Variants in NBEA observed in about 807,000 individuals in gnomAD.
NBEA encodes the protein neurobeachin, also known as lysosomal-trafficking regulator 2.
Under a neutral mutation model 343.4 loss-of-function variants are expected in NBEA, and 44 were observed. The ratio of observed to expected loss-of-function variants is 0.13; its 90% confidence interval spans 0.10 to 0.16. The LOEUF (loss-of-function observed/expected upper bound fraction) is 0.16, where lower values mean the gene tolerates loss of function less well. Among genes scored for constraint, NBEA ranks in the 10% least tolerant of loss-of-function variants. The pLI is 1.00. For missense variants in NBEA, 2,555 were observed against 3,631.3 expected, an observed-to-expected ratio of 0.70 and a Z score of 7.62; for synonymous variants, 1,175 against 1,238.7, an observed-to-expected ratio of 0.95 and a Z score of 1.08.
At chr13:35,366,129 T>C (rs890123422) in intron 38 of NBEA, among the ~76,000 whole-genome samples, 1 of 151,628 alleles carries the variant, frequency 6.6e-6, no homozygotes, top group Non-Finnish European at 1.5e-5. Flanking sequence ...GCTTGTTTAC[T>C]GTCATCACTG....
intron 38 of NBEA, among the ~76,000 whole-genome samples, chr13:35,400,736 G>T (rs897142938): frequency 6.6e-6 from 1 of 151,936 alleles, no homozygotes; most frequent in African/African-American, 2.4e-5. Flanking sequence ...GGAAATGTTG[G>T]AATGGGATTC....
At chr13:35,258,230 C>T (rs1314455675) in intron 34 of NBEA, among the ~76,000 whole-genome samples, 3 of 150,170 alleles carry the variant, frequency 2.0e-5, no homozygotes, top group Non-Finnish European at 3.0e-5. Flanking sequence ...TGCAGTGGCG[C>T]GATCTCCACT....
At chr13:35,182,623 C>T (rs2071394290) in intron 29 of NBEA, 95 bp downstream of exon 29, 3 of 1,137,556 alleles carry the variant, frequency 2.6e-6, no homozygotes, top group Admixed American at 2.9e-5. Context: ...TCTTCATAAT[C>T]ACCTCAAATA....
chr13:35,186,369 TATC>T (rs1438458480), intron 30 of NBEA: 8 of 152,310 alleles, frequency 5.3e-5, no homozygotes, highest in Admixed American at 5.2e-4. Context: ...TCTTTCAAGT[TATC>T]ACCTGTCATT....
chr13:35,206,615 G>A (rs2073413811), intron 31 of NBEA, among the ~76,000 whole-genome samples: 1 of 150,690 alleles, frequency 6.6e-6, no homozygotes, highest in South Asian at 2.1e-4. Flanking sequence ...ATAAGTAGAT[G>A]CCTTATATCT....
intron 40 of NBEA, among the ~76,000 whole-genome samples, chr13:35,468,788 A>T (rs1164030199): frequency 6.6e-6 from 1 of 152,116 alleles, no homozygotes; most frequent in Non-Finnish European, 1.5e-5. Flanking sequence ...TTGGACTATT[A>T]GTTCTGTAAA....
chr13:35,366,343 A>T (rs984189664), intron 38 of NBEA, among the ~76,000 whole-genome samples: 1 of 151,456 alleles, frequency 6.6e-6, no homozygotes, highest in African/African-American at 2.4e-5. Flanking sequence ...AACACTTACT[A>T]GAACATAAGG....
At chr13:35,207,048 A>T (rs2073441530) in intron 31 of NBEA, among the ~76,000 whole-genome samples, 1 of 152,046 alleles carries the variant, frequency 6.6e-6, no homozygotes, top group East Asian at 1.9e-4. Flanking sequence ...ACCTAGAAGG[A>T]GATAGTGAAG....
At chr13:35,107,759 G>A (rs1316028304) in intron 11 of NBEA, among the ~76,000 whole-genome samples, 1 of 151,902 alleles carries the variant, frequency 6.6e-6, no homozygotes, top group African/African-American at 2.4e-5. Context: ...ATGACTAAAA[G>A]TCTTGAGTTC....
intron 45 of NBEA, among the ~76,000 whole-genome samples, chr13:35,574,429 A>C (rs140115124): frequency 2.2e-4 from 34 of 152,178 alleles, no homozygotes; most frequent in African/African-American, 7.5e-4. Context: ...AAAAAGAAAA[A>C]AGAAAAACTC....
chr13:35,140,032 A>C (rs1334449230), intron 17 of NBEA, among the ~76,000 whole-genome samples: 1 of 152,000 alleles, frequency 6.6e-6, no homozygotes, highest in Admixed American at 6.6e-5. Flanking sequence ...TAATTAGTTC[A>C]CTTTTTTGAG....
chr13:34,945,089 A>C (rs549120426), intron 1 of NBEA, among the ~76,000 whole-genome samples: 3 of 152,282 alleles, frequency 2.0e-5, no homozygotes, highest in African/African-American at 4.8e-5. Context: ...GAACTTTACC[A>C]TTAAGCTTAG....
chr13:35,149,315 G>T (rs963051765), intron 18 of NBEA, among the ~76,000 whole-genome samples: 81 of 151,960 alleles, frequency 5.3e-4, no homozygotes, highest in African/African-American at 1.9e-3. Flanking sequence ...TTTTTATTGG[G>T]CACTTCTTAT....
At chr13:35,163,595 G>A (rs975748436) in intron 23 of NBEA, among the ~76,000 whole-genome samples, 1 of 150,432 alleles carries the variant, frequency 6.6e-6, no homozygotes. Context: ...CTCTAGCCTG[G>A]GTGACAGCAG....
intron 41 of NBEA, among the ~76,000 whole-genome samples, chr13:35,546,849 G>A (rs138944227): frequency 7.9e-5 from 12 of 152,092 alleles, no homozygotes; most frequent in East Asian, 1.9e-4. Context: ...CACCGCTCCC[G>A]GCCTAAAATT....
chr13:34,973,438 C>G (rs1322146960), intron 1 of NBEA, among the ~76,000 whole-genome samples: 1 of 152,216 alleles, frequency 6.6e-6, no homozygotes, highest in Non-Finnish European at 1.5e-5. Context: ...CTGCCCCTCC[C>G]TCTGGGAGCT....
rs374614481 is a variant in NBEA at position 35,308,500 on chromosome 13, G to GTA, written c.5839-1018_5839-1017dup. On this transcript the variant is annotated intron_variant, in intron 35 of 58. Coordinates refer to ENST00000379939, the MANE Select transcript of NBEA (RefSeq NM_001385012.1). ...TATATATATATGTGTATATATATGTGTATATATATATGTGTATATATGTAT... is the reference window on the plus strand; with the variant it reads ...TATATATATATGTGTATATATATGTGTATATATATATATGTGTATATATGTAT... Among the ~76,000 whole-genome samples the GTA allele has an allele frequency of 5.4e-4, 53 of 98,334 alleles. 2 individuals are homozygous for GTA. The highest frequency in any genetic ancestry group is 7.5e-4 in the Non-Finnish European group (38 of 50,410). The allele number at this position is 98,334 out of a possible 152,430, so 64.5% of individuals were successfully genotyped here.
chr13:35,384,369 A>C (rs988566694), intron 38 of NBEA, among the ~76,000 whole-genome samples: 1 of 152,180 alleles, frequency 6.6e-6, no homozygotes, highest in Non-Finnish European at 1.5e-5. Context: ...ATGTGAGAGT[A>C]ATACATCTCC....
intron 38 of NBEA, among the ~76,000 whole-genome samples, chr13:35,422,844 C>T (rs2044386027): frequency 6.6e-6 from 1 of 152,180 alleles, no homozygotes; most frequent in African/African-American, 2.4e-5. Flanking sequence ...GCCATTCTAA[C>T]TGGTGTGAAA....
Sources: gnomAD v4.1 joint callset for allele counts (sites outside exome capture counted in the v4.1 genomes callset) on GRCh38, gnomAD v4.1.1 for gene constraint, MANE v1.5 for transcripts, NCBI Gene and HGNC (gene_info 2026-07-23, HGNC 2026-07-21) for gene names.